Variants in CSGALNACT1 observed in about 807,000 individuals in gnomAD.
The protein encoded by CSGALNACT1 is chondroitin sulfate N-acetylgalactosaminyltransferase 1, also known as beta4GalNAcT-1.
Under a neutral mutation model 51.0 loss-of-function variants are expected in CSGALNACT1, and 52 were observed. That is an observed-to-expected ratio of 1.02 (90% CI 0.82 to 1.29). CSGALNACT1 has a LOEUF of 1.29. Among genes scored for constraint, CSGALNACT1 ranks in the 50% most tolerant of loss-of-function variants. The probability of loss-of-function intolerance (pLI) is 0.00; values close to 1 mark genes in which losing one functional copy is unlikely to be tolerated. For missense variants in CSGALNACT1, 935 were observed against 679.2 expected (o/e 1.38, Z -4.19); for synonymous variants, 341 against 254.4 (o/e 1.34, Z -3.24).
At position 19,413,257 on chromosome 8, in the gene CSGALNACT1, C is replaced by T. The variant is rs576143014; in HGVS notation, c.1228-4563G>A. Reference sequence around the variant, plus strand: ...CTAAAACTAAATGCCCTCGTTGCCCCCATGAAGCGCTTTGAGGGCAAAGGA... The same window carrying T: ...CTAAAACTAAATGCCCTCGTTGCCCTCATGAAGCGCTTTGAGGGCAAAGGA... On this transcript the variant is annotated intron_variant, in intron 8 of 9. Coordinates refer to ENST00000454498, the Ensembl canonical transcript of CSGALNACT1. Among the ~76,000 whole-genome samples the T allele has an allele frequency of 1.6e-3, 245 of 152,234 alleles. 2 individuals carry two copies. Among genetic ancestry groups the T allele is most frequent in the Non-Finnish European group, 2.3e-3 (154 of 68,026 alleles).
At chr8:19,546,403 A>G (rs2154077001) in intron 3 of CSGALNACT1, among the ~76,000 whole-genome samples, 1 of 152,282 alleles carries the variant, frequency 6.6e-6, no homozygotes, top group African/African-American at 2.4e-5. Context: ...GTGGTAATTA[A>G]CCTCTCTGGA....
exon 4 of CSGALNACT1, chr8:19,505,499 G>A: frequency 6.2e-7 from 1 of 1,614,088 alleles, no homozygotes; most frequent in Non-Finnish European, 8.5e-7. Flanking sequence ...TTTTCTCTGG[G>A]GGGCTCCTGT....
intron 4 of CSGALNACT1, among the ~76,000 whole-genome samples, chr8:19,481,751 T>G (rs940480213): frequency 1.3e-5 from 2 of 152,184 alleles, no homozygotes; most frequent in Non-Finnish European, 2.9e-5. Context: ...GTTGCTGTGA[T>G]TATACCACAG....
intron 3 of CSGALNACT1, among the ~76,000 whole-genome samples, chr8:19,571,813 G>A (rs2043107409): frequency 6.6e-6 from 1 of 152,150 alleles, no homozygotes; most frequent in Non-Finnish European, 1.5e-5. Context: ...TGCCCTCTTT[G>A]CTATCAGACA....
chr8:19,720,676 C>G (rs1447486772), intron 1 of CSGALNACT1, among the ~76,000 whole-genome samples: 3 of 152,152 alleles, frequency 2.0e-5, no homozygotes, highest in Admixed American at 2.0e-4. Context: ...TCTCCACCCT[C>G]CCTCCCCTCT....
intron 3 of CSGALNACT1, among the ~76,000 whole-genome samples, chr8:19,522,087 G>A (rs1297195556): frequency 2.0e-5 from 3 of 152,146 alleles, no homozygotes; most frequent in East Asian, 1.9e-4. Context: ...CAGACCTGAG[G>A]AGCACAGAAA....
chr8:19,610,119 G>A (rs966649979), intron 1 of CSGALNACT1, among the ~76,000 whole-genome samples: 7 of 151,116 alleles, frequency 4.6e-5, no homozygotes, highest in Non-Finnish European at 8.8e-5. Context: ...CTAAAACCCC[G>A]TCTCTACTAA....
chr8:19,644,464 C>T (rs2057060811), intron 1 of CSGALNACT1, among the ~76,000 whole-genome samples: 1 of 150,148 alleles, frequency 6.7e-6, no homozygotes, highest in Non-Finnish European at 1.5e-5. Flanking sequence ...AATCCCGGTA[C>T]TTTGGGAGGC....
At chr8:19,652,237 C>T (rs1055667141) in intron 1 of CSGALNACT1, among the ~76,000 whole-genome samples, 1 of 152,160 alleles carries the variant, frequency 6.6e-6, no homozygotes, top group Non-Finnish European at 1.5e-5. Context: ...AGGCATGAGC[C>T]ACCATATCAG....
At chr8:19,507,144 T>C (rs752951382) in intron 3 of CSGALNACT1, among the ~76,000 whole-genome samples, 2 of 152,174 alleles carry the variant, frequency 1.3e-5, no homozygotes, top group African/African-American at 4.8e-5. Flanking sequence ...TGGTTCCAGC[T>C]AACTCTTTGA....
chr8:19,492,059 T>G (rs961771608), intron 4 of CSGALNACT1, among the ~76,000 whole-genome samples: 1 of 152,226 alleles, frequency 6.6e-6, no homozygotes, highest in African/African-American at 2.4e-5. Context: ...AGCCATGAAC[T>G]TGAAAATGAA....
At chr8:19,624,126 G>T (rs146236887) in intron 1 of CSGALNACT1, among the ~76,000 whole-genome samples, 1 of 152,046 alleles carries the variant, frequency 6.6e-6, no homozygotes, top group African/African-American at 2.4e-5. Context: ...GCCCACCATC[G>T]GTCCCTAGAC....
chr8:19,498,406 C>T (rs576255866), intron 4 of CSGALNACT1, among the ~76,000 whole-genome samples: 6 of 152,334 alleles, frequency 3.9e-5, no homozygotes, highest in East Asian at 1.9e-4. Context: ...CTACCCAACA[C>T]GGGTGAGATG....
At chr8:19,606,412 C>T (rs1030563727), upstream of CSGALNACT1, among the ~76,000 whole-genome samples, 4 of 152,178 alleles carry the variant, frequency 2.6e-5, no homozygotes, top group African/African-American at 9.7e-5. Flanking sequence ...AGATATGTCT[C>T]AGAAAAGAAA....
intron 3 of CSGALNACT1, among the ~76,000 whole-genome samples, chr8:19,524,678 T>A (rs74907252): frequency 1.4e-3 from 212 of 152,296 alleles, no homozygotes; most frequent in African/African-American, 4.9e-3. Context: ...CAGCTTTTAA[T>A]AAACATTGCT....
At chr8:19,543,380 T>G (rs1042397919) in intron 3 of CSGALNACT1, among the ~76,000 whole-genome samples, 1 of 152,180 alleles carries the variant, frequency 6.6e-6, no homozygotes, top group South Asian at 2.1e-4. Context: ...CCCTTGACAA[T>G]GTCTGGGAAC....
intron 1 of CSGALNACT1, among the ~76,000 whole-genome samples, chr8:19,713,949 C>T (rs1050877617): frequency 7.9e-5 from 12 of 152,202 alleles, no homozygotes; most frequent in African/African-American, 2.9e-4. Flanking sequence ...ATGCCTTTCT[C>T]TGATCCTGCT....
chr8:19,450,755 A>C (rs1334311230), intron 5 of CSGALNACT1, among the ~76,000 whole-genome samples: 1 of 151,950 alleles, frequency 6.6e-6, no homozygotes, highest in African/African-American at 2.4e-5. Context: ...TGTCTCTACA[A>C]AAAATCTGGC....
At chr8:19,558,202 A>C (rs2039901914) in intron 3 of CSGALNACT1, among the ~76,000 whole-genome samples, 1 of 152,226 alleles carries the variant, frequency 6.6e-6, no homozygotes, top group Non-Finnish European at 1.5e-5. Context: ...AAGTGTTATT[A>C]ACAGCTCAAG....
Sources: gnomAD v4.1 joint callset for allele counts (sites outside exome capture counted in the v4.1 genomes callset) on GRCh38, gnomAD v4.1.1 for gene constraint, MANE v1.5 for transcripts, NCBI Gene and HGNC (gene_info 2026-07-23, HGNC 2026-07-21) for gene names.